NRG3: variants seen among roughly 807,000 people sequenced by gnomAD.
NRG3 encodes the protein neuregulin 3, also known as pro-neuregulin-3, membrane-bound isoform.
A neutral mutation model predicts 66.9 loss-of-function variants in NRG3; 31 were observed. The ratio of observed to expected loss-of-function variants is 0.46; its 90% CI spans 0.35 to 0.63. The LOEUF is 0.63. Ranked by LOEUF, NRG3 falls within the 20% of genes least tolerant of loss-of-function variation. The pLI is 0.00. For synonymous variants in NRG3, 393 were observed against 359.4 expected, an observed-to-expected ratio of 1.09 and a Z score of -1.06; for missense variants, 910 against 878.9, an observed-to-expected ratio of 1.04 and a Z score of -0.45.
At chr10:82,649,573 C>T (rs1248505712) in intron 2 of NRG3, among the ~76,000 whole-genome samples, 2 of 147,566 alleles carry the variant, frequency 1.4e-5, no homozygotes, top group Non-Finnish European at 3.0e-5. Flanking sequence ...CAGGTTTAAG[C>T]GTCCCTAGTA....
At chr10:82,041,563 A>G (rs184356121) in intron 1 of NRG3, among the ~76,000 whole-genome samples, 28 of 152,150 alleles carry the variant, frequency 1.8e-4, no homozygotes, top group Non-Finnish European at 3.2e-4. Context: ...TTTGTAAGCT[A>G]CAAAGTCTCC....
rs531550170 is a variant in NRG3 at position 82,411,647 on chromosome 10, T to C, written c.953+52779T>C. 4.6e-5 allele frequency among the ~76,000 whole-genome samples: 7 copies of C among 152,268 alleles called. No homozygotes were observed. The South Asian group carries it at 1.2e-3, about 27-fold the overall frequency. On this transcript the variant is annotated intron_variant, in intron 2 of 8. Coordinates refer to ENST00000372141, the MANE Select transcript of NRG3 (RefSeq NM_001010848.4). Reference sequence around the variant, plus strand: ...ATGTCTCTCTTAAGCTCTCAGACATTTGAGTATTTACTCTGAGTTCTAAGT... The same window carrying C: ...ATGTCTCTCTTAAGCTCTCAGACATCTGAGTATTTACTCTGAGTTCTAAGT...
chr10:82,221,135 A>AG (rs2075920866), intron 1 of NRG3, among the ~76,000 whole-genome samples: 1 of 152,184 alleles, frequency 6.6e-6, no homozygotes, highest in African/African-American at 2.4e-5. Context: ...AACACCTTTA[A>AG]TATCTATAAA....
intron 1 of NRG3, among the ~76,000 whole-genome samples, chr10:81,879,689 A>G (rs969969468): frequency 1.3e-5 from 2 of 152,220 alleles, no homozygotes; most frequent in Non-Finnish European, 2.9e-5. Context: ...CAAGGTATGG[A>G]GGCAATTTTA....
chr10:82,447,973 T>A (rs1251063432), intron 2 of NRG3, among the ~76,000 whole-genome samples: 1 of 152,180 alleles, frequency 6.6e-6, no homozygotes, highest in Non-Finnish European at 1.5e-5. Context: ...CTTTTAAATG[T>A]TGAGTGATGA....
intron 4 of NRG3, among the ~76,000 whole-genome samples, chr10:82,887,094 A>G (rs942622042): frequency 6.6e-5 from 10 of 152,172 alleles, no homozygotes; most frequent in African/African-American, 2.4e-4. Flanking sequence ...AAGAGTGGCT[A>G]GGTTCTACTC....
chr10:82,579,349 G>A (rs2046221306), intron 2 of NRG3, among the ~76,000 whole-genome samples: 1 of 151,716 alleles, frequency 6.6e-6, no homozygotes, highest in Admixed American at 6.6e-5. Flanking sequence ...ATTTAATTTG[G>A]CCAAATGTAA....
intron 1 of NRG3, among the ~76,000 whole-genome samples, chr10:82,093,067 T>C (rs1264213473): frequency 6.6e-6 from 1 of 152,196 alleles, no homozygotes; most frequent in Non-Finnish European, 1.5e-5. Context: ...ATTACTCTTC[T>C]TGTCAAGGTC....
At chr10:81,994,353 A>G (rs979526843) in intron 1 of NRG3, among the ~76,000 whole-genome samples, 4 of 152,280 alleles carry the variant, frequency 2.6e-5, no homozygotes, top group African/African-American at 9.6e-5. Flanking sequence ...TATTATATAT[A>G]AAACATCTGT....
intron 4 of NRG3, among the ~76,000 whole-genome samples, chr10:82,883,624 T>C (rs1842480080): frequency 6.6e-6 from 1 of 152,164 alleles, no homozygotes; most frequent in African/African-American, 2.4e-5. Context: ...ATAGTCTCTC[T>C]AGTCCTTCAA....
chr10:82,929,138 C>T (rs1847308404), intron 4 of NRG3, among the ~76,000 whole-genome samples: 1 of 152,296 alleles, frequency 6.6e-6, no homozygotes, highest in South Asian at 2.1e-4. Context: ...ACAAAGCACA[C>T]ATATCTGCTT....
At chr10:82,841,770 A>C in intron 3 of NRG3, among the ~76,000 whole-genome samples, 1 of 152,214 alleles carries the variant, frequency 6.6e-6, no homozygotes. Flanking sequence ...TGTTTGGTTA[A>C]ATAACTGGGT....
At chr10:82,758,996 G>T (rs763785364) in intron 3 of NRG3, among the ~76,000 whole-genome samples, 2 of 151,974 alleles carry the variant, frequency 1.3e-5, no homozygotes, top group Non-Finnish European at 2.9e-5. Flanking sequence ...GTTTGTCCCT[G>T]CCAAAACTCA....
chr10:82,212,820 T>G (rs2075465796), intron 1 of NRG3, among the ~76,000 whole-genome samples: 1 of 152,208 alleles, frequency 6.6e-6, no homozygotes, highest in African/African-American at 2.4e-5. Flanking sequence ...AGATGTAACA[T>G]CTGATGTGCA....
chr10:81,967,426 T>A (rs1295695164), intron 1 of NRG3, among the ~76,000 whole-genome samples: 1 of 152,144 alleles, frequency 6.6e-6, no homozygotes, highest in Non-Finnish European at 1.5e-5. Flanking sequence ...TTCTGAGATT[T>A]CCTTTGTATT....
intron 1 of NRG3, among the ~76,000 whole-genome samples, chr10:81,891,256 A>G (rs1842985320): frequency 6.6e-6 from 1 of 152,164 alleles, no homozygotes; most frequent in South Asian, 2.1e-4. Context: ...CGTGGGAGAA[A>G]GAGATTGAAA....
intron 1 of NRG3, among the ~76,000 whole-genome samples, chr10:82,137,626 C>A (rs186001467): frequency 1.3e-5 from 2 of 152,106 alleles, no homozygotes. Flanking sequence ...TTCAAGAAAA[C>A]GGCATTTAGT....
Position 82,447,452 on chromosome 10 carries a change from T to A in NRG3, c.953+88584T>A, listed in dbSNP as rs564061975. Among the ~76,000 whole-genome samples the A allele has an allele frequency of 4.7e-4, 72 of 152,286 alleles. 3 individuals carry two copies. The South Asian group carries it at 0.012, about 25-fold the overall frequency. On this transcript the variant is annotated intron_variant, in intron 2 of 8. Transcript: ENST00000372141. ...TAATAAATAAGAAAAAAAATTATCA[T>A]TGAAAGAATGAGTTAATGAATTAAT...
intron 1 of NRG3, among the ~76,000 whole-genome samples, chr10:82,275,314 T>A (rs902803852): frequency 6.6e-6 from 1 of 152,022 alleles, no homozygotes; most frequent in Non-Finnish European, 1.5e-5. Context: ...TAGGAAATTT[T>A]GTAAACGTTT....
Sources: allele counts gnomAD v4.1 joint callset (sites outside exome capture counted in the v4.1 genomes callset), GRCh38; gene constraint gnomAD v4.1.1; transcripts MANE v1.5; gene names NCBI Gene and HGNC (gene_info 2026-07-23, HGNC 2026-07-21).